Variants in RBBP5 observed in about 807,000 individuals in gnomAD.
The protein encoded by RBBP5 is retinoblastoma-binding protein 5.
Under a neutral mutation model 72.2 loss-of-function variants are expected in RBBP5, and 5 were observed. That is an observed-to-expected ratio of 0.07 (90% CI 0.04 to 0.15). The LOEUF (loss-of-function observed/expected upper bound fraction) is 0.15, where lower values mean the gene tolerates loss of function less well. Among genes scored for constraint, RBBP5 ranks in the 10% least tolerant of loss-of-function variants. The pLI is 1.00. For missense variants in RBBP5, 322 were observed against 652.2 expected (o/e 0.49, Z 5.51); for synonymous variants, 209 against 237.2 (o/e 0.88, Z 1.09).
intron 1 of RBBP5, among the ~76,000 whole-genome samples, chr1:205,117,050 TTTTG>T (rs570779509): frequency 4.6e-5 from 7 of 152,134 alleles, no homozygotes; most frequent in East Asian, 2.0e-4. Flanking sequence ...GCCTGGTTTT[TTTTG>T]TTTGTTTGTT....
chr1:205,118,350 G>A lies in RBBP5; in HGVS notation c.20-2467C>T, dbSNP rs377053226. ...ATATCGGCCAGGTGCAGCGGCTCAC[G>A]CCTGTAATCCCAGCACTTTGGGAGG... On this transcript the variant is annotated intron_variant, in intron 1 of 13. Coordinates refer to ENST00000264515, the MANE Select transcript of RBBP5 (RefSeq NM_005057.4). Among the ~76,000 whole-genome samples the A allele has an allele frequency of 5.9e-5, 9 of 151,952 alleles. No homozygotes were observed. The East Asian group carries it at 1.8e-3, about 30-fold the overall frequency.
At position 205,087,863 on chromosome 1, in the gene RBBP5, C is replaced by CA. The variant is rs1655195312; in HGVS notation, c.*923dup. ...GGATAGATTTCCACAGGCAGTGATA[C>CA]AAAAAATTCACCTTGATCTTTGATT... is the stretch of plus-strand genomic sequence containing the variant. On this transcript the variant is annotated 3_prime_UTR_variant, in exon 14 of 14. Transcript: ENST00000264515. 1 of 152,538 alleles carries CA rather than the reference C, an allele frequency of 6.6e-6. No individual in the cohort carries two copies. Among genetic ancestry groups the CA allele is most frequent in the Admixed American group, 6.5e-5 (1 of 15,274 alleles). 9.4% of individuals were successfully genotyped at this position (152,538 alleles called of 1,614,324 possible). A position where few individuals can be genotyped will look rare whatever the true frequency, so the allele number is the denominator to read the frequency against.
At chr1:205,104,580 T>A (rs1412567881) in intron 4 of RBBP5, among the ~76,000 whole-genome samples, 1 of 150,760 alleles carries the variant, frequency 6.6e-6, no homozygotes, top group Non-Finnish European at 1.5e-5. Flanking sequence ...CAGTGGCTCA[T>A]GCCTGTAATT....
In RBBP5 at chr1:205,121,922, TC is replaced by T. The variant is rs543314283; in HGVS notation, c.-50del. The stretch of plus-strand genomic sequence containing the variant: ...TCTCAGCTCCGGCAACAACACCTTC[TC>T]CCCGGCCGGCTTCAGCAACTTGCGT... On this transcript the variant is annotated 5_prime_UTR_variant, in exon 1 of 14. Coordinates refer to ENST00000264515, the MANE Select transcript of RBBP5 (RefSeq NM_005057.4). 315 of 1,605,682 alleles carry T rather than the reference TC, an allele frequency of 2.0e-4. 3 individuals are homozygous for T. The South Asian group carries it at 3.3e-3, about 17-fold the overall frequency.
At chr1:205,117,928 G>C (rs1394630932) in intron 1 of RBBP5, among the ~76,000 whole-genome samples, 1 of 151,918 alleles carries the variant, frequency 6.6e-6, no homozygotes, top group Non-Finnish European at 1.5e-5. Context: ...TCCTGCCTCA[G>C]CCTCCCGAGT....
chr1:205,101,481 C>T, intron 6 of RBBP5, 119 bp downstream of exon 6: 2 of 646,762 alleles, frequency 3.1e-6, no homozygotes, highest in Non-Finnish European at 5.0e-6. Context: ...TTCTAAAAAC[C>T]TTAAGTACAT....
chr1:205,098,394 C>G (rs1386555073), intron 10 of RBBP5, among the ~76,000 whole-genome samples: 1 of 152,154 alleles, frequency 6.6e-6, no homozygotes, highest in East Asian at 1.9e-4. Context: ...CTCACTTAGT[C>G]ATCTGCAATT....
chr1:205,093,511 TATATATATATATATATATATATAC>T (rs1655471394), intron 13 of RBBP5, among the ~76,000 whole-genome samples: 4 of 8,102 alleles, frequency 4.9e-4, no homozygotes, highest in Admixed American at 2.3e-3. Flanking sequence ...TATATATATA[TATATATATATATATATATATATAC>T]ACACACACAC....
At chr1:205,115,697 C>G (rs1656492746) in intron 2 of RBBP5, among the ~76,000 whole-genome samples, 161 bp downstream of exon 2, 1 of 152,192 alleles carries the variant, frequency 6.6e-6, no homozygotes, top group Non-Finnish European at 1.5e-5. Context: ...TATTTCCTCC[C>G]TGATCAAAAT....
chr1:205,107,704 G>A (rs1482549998), intron 3 of RBBP5, among the ~76,000 whole-genome samples: 2 of 151,562 alleles, frequency 1.3e-5, no homozygotes, highest in African/African-American at 4.8e-5. Flanking sequence ...CCAGTACTTT[G>A]GGAGGCCAAG....
At position 205,106,213 on chromosome 1, in the gene RBBP5, A is replaced by C. The variant is rs376282212; in HGVS notation, c.219-1045T>G. 3.5e-4 allele frequency among the ~76,000 whole-genome samples: 54 copies of C among 152,314 alleles called. 1 individual carries two copies. The highest frequency in any genetic ancestry group is 1.3e-3 in the African/African-American group (53 of 41,570). ...TGAGGCCAAGTAAGAAGAAACCTGG[A>C]CTTTCACCCACCTCTGGGAATAACA... On this transcript the variant is annotated intron_variant, in intron 3 of 13. Coordinates refer to ENST00000264515, the MANE Select transcript of RBBP5 (RefSeq NM_005057.4).
intron 13 of RBBP5, among the ~76,000 whole-genome samples, chr1:205,094,151 A>G (rs991175415): frequency 3.9e-5 from 6 of 152,230 alleles, no homozygotes; most frequent in African/African-American, 1.4e-4. Flanking sequence ...AAAATCCCTC[A>G]GTAATATAAA....
intron 5 of RBBP5, among the ~76,000 whole-genome samples, chr1:205,102,479 G>T (rs931687158): frequency 4.6e-5 from 7 of 152,134 alleles, no homozygotes; most frequent in African/African-American, 1.7e-4. Flanking sequence ...AAGAGAGAAG[G>T]TCAAAGGGTG....
At chr1:205,092,347 C>T (rs1392875568) in intron 13 of RBBP5, among the ~76,000 whole-genome samples, 2 of 152,116 alleles carry the variant, frequency 1.3e-5, no homozygotes, top group Non-Finnish European at 2.9e-5. Flanking sequence ...CAGGGTCTCA[C>T]TATGTTGCCC....
chr1:205,094,640 CA>C (rs1347365694), intron 13 of RBBP5, among the ~76,000 whole-genome samples: 1 of 152,138 alleles, frequency 6.6e-6, no homozygotes, highest in Non-Finnish European at 1.5e-5. Flanking sequence ...CATATAACAT[CA>C]GGGGAATGTA....
intron 3 of RBBP5, among the ~76,000 whole-genome samples, chr1:205,108,796 T>C (rs1656185155): frequency 6.6e-6 from 1 of 152,202 alleles, no homozygotes; most frequent in Non-Finnish European, 1.5e-5. Context: ...AGCACGTTAC[T>C]TAAGCTTTAT....
intron 3 of RBBP5, among the ~76,000 whole-genome samples, chr1:205,112,169 T>C (rs1331089627): frequency 1.3e-5 from 2 of 151,864 alleles, no homozygotes; most frequent in Admixed American, 6.6e-5. Context: ...AATACAAAAA[T>C]CAGCCGGTCA....
intron 1 of RBBP5, among the ~76,000 whole-genome samples, chr1:205,121,402 T>C (rs186788492): frequency 8.5e-5 from 13 of 152,354 alleles, no homozygotes; most frequent in African/African-American, 2.4e-4. Flanking sequence ...TTTATTCATC[T>C]GTTCAATGAG....
chr1:205,102,954 T>C (rs1165586343), intron 5 of RBBP5, among the ~76,000 whole-genome samples: 3 of 149,882 alleles, frequency 2.0e-5, no homozygotes, highest in South Asian at 2.1e-4. Context: ...GATGGTGCCA[T>C]TGCACTCCAG....
Sources: gnomAD v4.1 joint callset for allele counts (sites outside exome capture counted in the v4.1 genomes callset) on GRCh38, gnomAD v4.1.1 for gene constraint, MANE v1.5 for transcripts, NCBI Gene and HGNC (gene_info 2026-07-23, HGNC 2026-07-21) for gene names.